Variants in TIAM2 observed in about 807,000 individuals in gnomAD.
TIAM2 encodes the protein TIAM Rac1 associated GEF 2.
TIAM2 carries 80 observed loss-of-function variants against 152.9 expected under a neutral mutation model. The observed-to-expected ratio is 0.52, with a 90% CI of 0.44 to 0.63. The LOEUF is 0.63. Ranked by LOEUF, TIAM2 falls within the 30% of genes least tolerant of loss-of-function variation. The pLI, the probability that TIAM2 is intolerant of heterozygous loss-of-function variation, is 0.00. For synonymous variants in TIAM2, 804 were observed against 838.0 expected (o/e 0.96, Z 0.70); for missense variants, 1,965 against 2,120.1 (o/e 0.93, Z 1.44).
chr6:155,002,876 T>A (rs1260972210), intron 1 of TIAM2, among the ~76,000 whole-genome samples: 1 of 150,486 alleles, frequency 6.6e-6, no homozygotes, highest in Non-Finnish European at 1.5e-5. Flanking sequence ...TTTTTTTTAG[T>A]AGAGACAGGG....
chr6:155,244,601 G>A (rs1462306601), intron 17 of TIAM2, 57 bp from the exon 18 acceptor site: 15 of 1,582,124 alleles, frequency 9.5e-6, no homozygotes, highest in South Asian at 5.7e-5. Context: ...AAGAGTTAGC[G>A]TGGTGTCCTG....
chr6:155,256,421 C>A, intron 26 of TIAM2, 63 bp from the exon 27 acceptor site: 1 of 1,602,814 alleles, frequency 6.2e-7, no homozygotes, highest in Non-Finnish European at 8.5e-7. Context: ...AGCTTTGAGG[C>A]AAACATTACA....
At chr6:154,996,064 G>C (rs1409132222) in intron 1 of TIAM2, among the ~76,000 whole-genome samples, 1 of 151,942 alleles carries the variant, frequency 6.6e-6, no homozygotes, top group Non-Finnish European at 1.5e-5. Flanking sequence ...GACGGGCGCG[G>C]CTCCTGGGGG....
At position 155,133,937 on chromosome 6, in the gene TIAM2, G is replaced by A. The variant is rs567056618; in HGVS notation, c.1195-3240G>A. On this transcript the variant is annotated intron_variant, in intron 4 of 26. Transcript: ENST00000682666. ...TCTCCATGTTGGTCAGGCTGGTCTC[G>A]AACTCCCGACCTCAGGTGATCCACC... 5.3e-5 allele frequency among the ~76,000 whole-genome samples: 8 copies of A among 152,098 alleles called. No individual in the cohort carries two copies. In the East Asian group the frequency reaches 9.7e-4, roughly 18 times the overall value.
intron 4 of TIAM2, among the ~76,000 whole-genome samples, chr6:155,133,510 GTTA>G (rs372961335): frequency 2.6e-5 from 4 of 152,166 alleles, no homozygotes; most frequent in African/African-American, 9.6e-5. Flanking sequence ...AGAATATAGT[GTTA>G]TTAACTGTAG....
chr6:155,004,593 A>ACTACT (rs1293707833), intron 1 of TIAM2, among the ~76,000 whole-genome samples: 71 of 151,828 alleles, frequency 4.7e-4, no homozygotes, highest in African/African-American at 1.7e-3. Context: ...ACGGGGTTTC[A>ACTACT]CCGTGTTAGC....
chr6:155,034,790 T>C (rs750544953), intron 1 of TIAM2, among the ~76,000 whole-genome samples: 19 of 152,200 alleles, frequency 1.2e-4, no homozygotes, highest in Non-Finnish European at 2.5e-4. Flanking sequence ...CAACACAATA[T>C]ATATTGGCTT....
rs904591717 is a variant in TIAM2, at chr6:155,068,442, AT to A, written c.-208-21835del. Among the ~76,000 whole-genome samples the A allele has an allele frequency of 5.5e-4, 81 of 147,446 alleles. 2 individuals are homozygous for A. The highest frequency in any genetic ancestry group is 2.6e-3 in the East Asian group (13 of 5,078). ...CAGGAGACAGAAGTGGTTACAGTTAATTTTTTTTTTTTGAGATAGAGTCTCC... is the reference window on the plus strand; with the variant it reads ...CAGGAGACAGAAGTGGTTACAGTTAATTTTTTTTTTTGAGATAGAGTCTCC... On this transcript the variant is annotated intron_variant, in intron 1 of 26. Transcript: ENST00000682666.
At chr6:155,069,155 C>T (rs1196641914) in intron 1 of TIAM2, among the ~76,000 whole-genome samples, 6 of 152,060 alleles carry the variant, frequency 3.9e-5, no homozygotes, top group Non-Finnish European at 5.9e-5. Flanking sequence ...AGTGCAGTGA[C>T]GCAGTCTCGA....
At chr6:155,198,464 A>C (rs992859321) in intron 14 of TIAM2, among the ~76,000 whole-genome samples, 1 of 152,032 alleles carries the variant, frequency 6.6e-6, no homozygotes, top group African/African-American at 2.4e-5. Context: ...GGAGTTCGAG[A>C]CCAGCCTCAC....
chr6:155,211,776 A>C (rs1249108631), intron 15 of TIAM2, among the ~76,000 whole-genome samples: 4 of 152,044 alleles, frequency 2.6e-5, no homozygotes, highest in Non-Finnish European at 5.9e-5. Flanking sequence ...TCTCTGTGGC[A>C]TTAAGTATAT....
intron 9 of TIAM2, among the ~76,000 whole-genome samples, chr6:155,167,013 T>C (rs1199236871): frequency 6.6e-6 from 1 of 152,196 alleles, no homozygotes; most frequent in Non-Finnish European, 1.5e-5. Flanking sequence ...TTGATAACGC[T>C]TTTGTGAATT....
intron 1 of TIAM2, among the ~76,000 whole-genome samples, chr6:155,075,442 C>G (rs759653479): frequency 6.6e-6 from 1 of 151,866 alleles, no homozygotes; most frequent in Non-Finnish European, 1.5e-5. Context: ...CACAGTGACT[C>G]TACCATAGCT....
chr6:155,248,134 G>A lies in TIAM2; in HGVS notation c.3787G>A (p.Val1263Met), dbSNP rs1270057855. Residue 1263 changes from valine (V) to methionine (M), a missense_variant, in exon 20 of 27, where the codon GTG becomes ATG. Physicochemically the swap from Val to Met is conservative, Grantham distance 21 (BLOSUM62 1). This residue lies in a region of TIAM2 where 935 missense variants were observed against 980.0 expected (regional missense o/e 0.95). Coordinates refer to ENST00000682666, the MANE Select transcript of TIAM2 (RefSeq NM_012454.4). Reference sequence around the variant, plus strand: ...GTACCCGCTGCTGCTCAAGGAGCTGGTGTCCCTGACGGACCAGGAGAGCGA... The same window carrying A: ...GTACCCGCTGCTGCTCAAGGAGCTGATGTCCCTGACGGACCAGGAGAGCGA... ...LKYPLLLKEL[V>M]SLTDQESEEH... The A allele has an allele frequency of 1.2e-6, 2 of 1,614,046 alleles. No homozygotes were observed. The highest frequency in any genetic ancestry group is 1.3e-5 in the African/African-American group (1 of 74,938).
chr6:155,148,298 G>A lies in TIAM2; in HGVS notation c.1992G>A (p.Val664=), dbSNP rs1195426092. The A allele has an allele frequency of 8.1e-6, 13 of 1,612,138 alleles. No individual in the cohort carries two copies. Among genetic ancestry groups the A allele is most frequent in the Non-Finnish European group, 1.1e-5 (13 of 1,179,972 alleles). The change falls in exon 7 of 27, where the codon GTG becomes GTA. Residue 664 remains valine, a synonymous_variant. Coordinates refer to ENST00000682666, the MANE Select transcript of TIAM2 (RefSeq NM_012454.4). ...KKMAELQLSV[V]SDPKNRKAIE... is the part of the protein sequence containing the mutation. ...TGGCAGAGCTGCAGCTGTCCGTGGT[G>A]AGCGACCCAAAGAACAGGAAAGCCA... is the stretch of plus-strand genomic sequence containing the variant.
chr6:155,159,455 C>T (rs1022726086), intron 7 of TIAM2, among the ~76,000 whole-genome samples: 3 of 152,150 alleles, frequency 2.0e-5, no homozygotes, highest in Non-Finnish European at 2.9e-5. Flanking sequence ...ACATCAGAAT[C>T]GGCTTTGGGT....
intron 14 of TIAM2, among the ~76,000 whole-genome samples, chr6:155,187,573 C>CCCTTT (rs1189509294): frequency 2.2e-4 from 11 of 49,616 alleles, no homozygotes; most frequent in South Asian, 9.5e-4. Flanking sequence ...ACCCCGCCCC[C>CCCTTT]TTTTTTTTTT....
At chr6:155,187,573 C>CCTTTTTTT (rs1189509294) in intron 14 of TIAM2, among the ~76,000 whole-genome samples, 12 of 49,622 alleles carry the variant, frequency 2.4e-4, no homozygotes, top group African/African-American at 3.9e-4. Context: ...ACCCCGCCCC[C>CCTTTTTTT]TTTTTTTTTT....
At chr6:155,204,433 T>A (rs1008244229) in intron 14 of TIAM2, among the ~76,000 whole-genome samples, 1 of 152,148 alleles carries the variant, frequency 6.6e-6, no homozygotes, top group Non-Finnish European at 1.5e-5. Context: ...GAGGTTCTGG[T>A]GCCATTTACA....
Sources: gnomAD v4.1 joint callset for allele counts (sites outside exome capture counted in the v4.1 genomes callset) on GRCh38, gnomAD v4.1.1 for gene constraint, gnomAD v4.1.1 regional missense constraint, MANE v1.5 for transcripts, NCBI Gene and HGNC (gene_info 2026-07-23, HGNC 2026-07-21) for gene names.